SDK2: variants seen among roughly 807,000 people sequenced by gnomAD.
SDK2 encodes the protein sidekick cell adhesion molecule 2, also known as protein sidekick-2.
Under a neutral mutation model 253.9 loss-of-function variants are expected in SDK2, and 105 were observed. That is an observed-to-expected ratio of 0.41 (90% CI 0.35 to 0.49). SDK2 has a LOEUF of 0.49. Ranked by LOEUF, SDK2 falls within the 20% of genes least tolerant of loss-of-function variation. The pLI is 0.06. For missense variants in SDK2, 2,608 were observed against 3,003.0 expected (o/e 0.87, Z 3.07); for synonymous variants, 1,249 against 1,234.9 (o/e 1.01, Z -0.24).
rs554466009 is a variant in SDK2, at chr17:73,414,161, C to T, written c.2484+483G>A. The stretch of plus-strand genomic sequence containing the variant: ...CTCCCAGGTTCAAGTGATTCTCCTG[C>T]CTCAGCCTCCCGAGTAGCTGGGATT... On this transcript the variant is annotated intron_variant, in intron 18 of 44. Transcript: ENST00000392650. 3.3e-3 allele frequency among the ~76,000 whole-genome samples: 494 copies of T among 151,958 alleles called. 2 individuals are homozygous for T. Among genetic ancestry groups the T allele is most frequent in the Non-Finnish European group, 4.6e-3 (312 of 67,958 alleles).
chr17:73,379,078 G>T lies in SDK2; in HGVS notation c.4980+99C>A. On this transcript the variant is annotated intron_variant, in intron 36 of 44. Coordinates refer to ENST00000392650, the MANE Select transcript of SDK2 (RefSeq NM_001144952.2). This position sits in a 1 kb window ranked among gnomAD's most constrained non-coding sequence, Gnocchi z 4.5. ...GAGGAGCTGGCTGGATGAATGGAGGGCCTGGGGACCTGCCTGCCTCCCACA... is the reference window on the plus strand; with the variant it reads ...GAGGAGCTGGCTGGATGAATGGAGGTCCTGGGGACCTGCCTGCCTCCCACA... The T allele has an allele frequency of 1.2e-6, 1 of 840,642 alleles. No individual in the cohort carries two copies. The highest frequency in any genetic ancestry group is 1.9e-6 in the Non-Finnish European group (1 of 520,896). 52.1% of individuals were successfully genotyped at this position (840,642 alleles called of 1,614,324 possible).
intron 39 of SDK2, among the ~76,000 whole-genome samples, chr17:73,360,239 A>G (rs1201324746): frequency 6.6e-6 from 1 of 152,240 alleles, no homozygotes; most frequent in Non-Finnish European, 1.5e-5. Flanking sequence ...TGCCTCCTGC[A>G]GGCTTTGTCC....
chr17:73,369,109 C>T, intron 36 of SDK2: 1 of 466,638 alleles, frequency 2.1e-6, no homozygotes, highest in Non-Finnish European at 4.5e-6. Context: ...CAGTAAACTC[C>T]AGGGCATGGC....
intron 33 of SDK2, among the ~76,000 whole-genome samples, chr17:73,381,777 C>T (rs961725552): frequency 7.2e-5 from 11 of 151,920 alleles, no homozygotes; most frequent in African/African-American, 1.9e-4. Context: ...TAGTGGTGCA[C>T]GCCTGTAGGT....
intron 18 of SDK2, among the ~76,000 whole-genome samples, chr17:73,405,993 G>T (rs1378644034): frequency 1.3e-5 from 2 of 151,904 alleles, no homozygotes; most frequent in Non-Finnish European, 2.9e-5. Context: ...AAAGTGCTGG[G>T]ATTACAGGCA....
At chr17:73,428,403 C>G (rs527824029) in intron 12 of SDK2, among the ~76,000 whole-genome samples, 2 of 152,074 alleles carry the variant, frequency 1.3e-5, no homozygotes, top group Non-Finnish European at 2.9e-5. Flanking sequence ...GGTTTTCATG[C>G]TAGAAACCTG....
At chr17:73,339,001 G>C in intron 44 of SDK2, 61 bp from the exon 45 acceptor site, 1 of 1,451,196 alleles carries the variant, frequency 6.9e-7, no homozygotes, top group Non-Finnish European at 9.7e-7. Flanking sequence ...ATTGTGGTTG[G>C]GGCCGGAAGG....
Position 73,350,358 on chromosome 17 carries a change from C to T in SDK2, c.5917G>A (p.Gly1973Arg), listed in dbSNP as rs532789356. 2 of 1,613,742 alleles carry T rather than the reference C, an allele frequency of 1.2e-6. No homozygotes were observed. The highest frequency in any genetic ancestry group is 1.7e-6 in the Non-Finnish European group (2 of 1,179,776). The change falls in exon 43 of 45, where the codon GGA (glycine) becomes AGA (arginine). Residue 1973 changes from glycine to arginine, a missense_variant. Physicochemically the swap from Gly to Arg is moderately radical, Grantham distance 125 (BLOSUM62 -2). This residue lies in a region of SDK2 where 1,103 missense variants were observed against 1,143.9 expected (regional missense o/e 0.96). Coordinates refer to ENST00000392650, the MANE Select transcript of SDK2 (RefSeq NM_001144952.2). ...KTDSGNSAKS[G>R]ALGHSEMMSL... ...ATCATCTCGCTGTGGCCTAGGGCTC[C>T]AGACTTGGCACTGTTCCCTGAAGTC...
At position 73,465,498 on chromosome 17, in the gene SDK2, G is replaced by T. The variant is rs112593359; in HGVS notation, c.331+6614C>A. Among the ~76,000 whole-genome samples, 1,214 of 152,112 alleles carry T rather than the reference G, an allele frequency of 8.0e-3. 12 individuals carry two copies. Among genetic ancestry groups the T allele is most frequent in the African/African-American group, 0.024 (1,012 of 41,476 alleles). ...CGAGGTCCTCTGCCACCTCCGGAAG[G>T]CTCTCCCAACCCTCTTAGCCATTCA... is the stretch of plus-strand genomic sequence containing the variant. On this transcript the variant is annotated intron_variant, in intron 3 of 44. Transcript: ENST00000392650. The surrounding 1 kb of genome is among the most constrained non-coding windows in gnomAD (Gnocchi z 4.2).
chr17:73,406,139 G>C, intron 18 of SDK2, among the ~76,000 whole-genome samples: 1 of 152,076 alleles, frequency 6.6e-6, no homozygotes, highest in African/African-American at 2.4e-5. Flanking sequence ...AAAAAACTCT[G>C]TGCATGTTTA....
chr17:73,501,476 A>G (rs2063890968), intron 2 of SDK2, among the ~76,000 whole-genome samples: 1 of 152,232 alleles, frequency 6.6e-6, no homozygotes, highest in African/African-American at 2.4e-5. Flanking sequence ...ACATGAGAGA[A>G]AGGATCTCAT....
At chr17:73,554,486 C>G (rs1174436446) in intron 1 of SDK2, among the ~76,000 whole-genome samples, 1 of 152,204 alleles carries the variant, frequency 6.6e-6, no homozygotes, top group East Asian at 1.9e-4. Flanking sequence ...GGAGGAAGAA[C>G]ATGTGAAGAC....
chr17:73,410,319 G>C (rs79793216), intron 18 of SDK2, among the ~76,000 whole-genome samples: 38 of 73,278 alleles, frequency 5.2e-4, no homozygotes, highest in African/African-American at 2.1e-3. Flanking sequence ...GTTTTTGTTT[G>C]TTTGTTTGTT....
At chr17:73,622,914 G>A (rs1288429857) in intron 1 of SDK2, among the ~76,000 whole-genome samples, 2 of 152,218 alleles carry the variant, frequency 1.3e-5, no homozygotes, top group African/African-American at 4.8e-5. Context: ...TGGAGAGGTA[G>A]CGGGGGCCCA....
rs767807054 is a variant in SDK2, at chr17:73,399,304, C to G, written c.2972-15G>C. On this transcript the variant is annotated splice_polypyrimidine_tract_variant and intron_variant, in intron 21 of 44. Transcript: ENST00000392650. Reference sequence around the variant, plus strand: ...CCCTGGGAGTTCTGGAAAAGGAGAACAGGGTGGGGAAGGAGATCCGGTGAG... The same window carrying G: ...CCCTGGGAGTTCTGGAAAAGGAGAAGAGGGTGGGGAAGGAGATCCGGTGAG... 6.4e-5 allele frequency: 104 copies of G among 1,613,372 alleles called. No individual in the cohort carries two copies. Among genetic ancestry groups the G allele is most frequent in the Non-Finnish European group, 8.5e-5 (100 of 1,179,706 alleles).
chr17:73,384,122 A>C (rs2062853824), intron 32 of SDK2, 111 bp from the exon 33 acceptor site: 1 of 1,235,596 alleles, frequency 8.1e-7, no homozygotes, highest in Non-Finnish European at 1.1e-6. Flanking sequence ...TGTTTTAACC[A>C]GGAAAAGAAA....
At chr17:73,625,046 C>A (rs1248363950) in intron 1 of SDK2, among the ~76,000 whole-genome samples, 1 of 152,164 alleles carries the variant, frequency 6.6e-6, no homozygotes, top group Non-Finnish European at 1.5e-5. Context: ...GCTGGAAGAG[C>A]TTTGGTAGCT....
chr17:73,366,513 C>A (rs1243295693), intron 37 of SDK2, among the ~76,000 whole-genome samples: 1 of 152,132 alleles, frequency 6.6e-6, no homozygotes, highest in Non-Finnish European at 1.5e-5. Context: ...TCTTTAAAAG[C>A]CACATGTCAC....
At chr17:73,584,302 C>T (rs1012237265) in intron 1 of SDK2, among the ~76,000 whole-genome samples, 7 of 152,176 alleles carry the variant, frequency 4.6e-5, no homozygotes, top group Admixed American at 6.5e-5. Context: ...CTGGGCTGGC[C>T]GGTGCTACAG....
Sources: gnomAD v4.1 joint callset for allele counts (sites outside exome capture counted in the v4.1 genomes callset) on GRCh38, gnomAD v4.1.1 for gene constraint, gnomAD v4.1.1 regional missense constraint, Gnocchi (gnomAD v3.1) non-coding constraint, MANE v1.5 for transcripts, NCBI Gene and HGNC (gene_info 2026-07-23, HGNC 2026-07-21) for gene names.